CMIP: variants seen among roughly 807,000 people sequenced by gnomAD.
CMIP encodes C-Maf-inducing protein.
CMIP carries 13 observed loss-of-function variants against 97.3 expected under a neutral mutation model. The observed-to-expected ratio is 0.13, with a 90% CI of 0.09 to 0.21. The LOEUF (loss-of-function observed/expected upper bound fraction) is 0.21. Among genes scored for constraint, CMIP ranks in the 10% least tolerant of loss-of-function variants. The pLI, the probability that CMIP is intolerant of heterozygous loss-of-function variation, is 1.00. For missense variants in CMIP, 847 were observed against 1,024.9 expected, an observed-to-expected ratio of 0.83 and a Z score of 2.37; for synonymous variants, 538 against 436.3, an observed-to-expected ratio of 1.23 and a Z score of -2.91.
At chr16:81,452,807 C>T (rs554129049) in intron 1 of CMIP, among the ~76,000 whole-genome samples, 1 of 151,384 alleles carries the variant, frequency 6.6e-6, no homozygotes, top group African/African-American at 2.4e-5. Context: ...GATGGACACA[C>T]AGGCAGCTCC....
In CMIP at chr16:81,549,849, C is replaced by T. The variant is rs567637166; in HGVS notation, c.301-57718C>T. Among the ~76,000 whole-genome samples, 118 of 152,222 alleles carry T rather than the reference C, an allele frequency of 7.8e-4. 1 individual carries two copies. The South Asian group carries it at 0.01, about 13-fold the overall frequency. ...CCAGGCAAATGTGTGTGTGCATGCG[C>T]GCGTGCATATGCCAGTGTGTATGTT... is the stretch of plus-strand genomic sequence containing the variant. On this transcript the variant is annotated intron_variant, in intron 1 of 20. Coordinates refer to ENST00000537098, the MANE Select transcript of CMIP (RefSeq NM_198390.3).
chr16:81,471,372 G>C (rs1434121380), intron 1 of CMIP, among the ~76,000 whole-genome samples: 5 of 152,002 alleles, frequency 3.3e-5, no homozygotes, highest in Admixed American at 2.0e-4. Context: ...ACATGTATGT[G>C]TATACATGTG....
At chr16:81,671,841 C>G in intron 8 of CMIP, 125 bp from the exon 9 acceptor site, 1 of 570,358 alleles carries the variant, frequency 1.8e-6, no homozygotes, top group Non-Finnish European at 3.2e-6. Flanking sequence ...CTCTCAGAGC[C>G]CCCCAAGTGG....
rs368326660 is a variant in CMIP at position 81,610,268 on chromosome 16, C to A, written c.426+2576C>A. 8.2e-6 allele frequency: 8 copies of A among 976,810 alleles called. No individual in the cohort carries two copies. The African/African-American group carries it at 1.2e-4, about 15-fold the overall frequency. 60.5% of individuals were successfully genotyped at this position (976,810 alleles called of 1,614,324 possible). The stretch of plus-strand genomic sequence containing the variant: ...GGCCCAGCTGTGATGACTCGCCTGG[C>A]CGCCGTGTCTGGCAGGGCTTCAGGA... On this transcript the variant is annotated intron_variant, in intron 2 of 20. Transcript: ENST00000537098.
rs1363694824 is a variant in CMIP at position 81,614,740 on chromosome 16, T to G, written c.427-6136T>G. The stretch of plus-strand genomic sequence containing the variant: ...GTGTGCGTACACATGTGTGTCTCTG[T>G]GAGTGTGTATGTGTCTATGTCTGTG... On this transcript the variant is annotated intron_variant, in intron 2 of 20. Transcript: ENST00000537098. This position sits in a 1 kb window ranked among gnomAD's most constrained non-coding sequence, Gnocchi z 5.3. Among the ~76,000 whole-genome samples the G allele has an allele frequency of 3.3e-5, 5 of 151,500 alleles. No individual in the cohort carries two copies. The highest frequency in any genetic ancestry group is 5.9e-5 in the Non-Finnish European group (4 of 67,844).
At chr16:81,657,471 A>C (rs560238323) in intron 4 of CMIP, among the ~76,000 whole-genome samples, 151 of 152,178 alleles carry the variant, frequency 9.9e-4, no homozygotes, top group Non-Finnish European at 1.9e-3. Context: ...AGGTTACTGG[A>C]AGCCCTGTTG....
intron 1 of CMIP, among the ~76,000 whole-genome samples, chr16:81,593,658 G>A (rs1259050548): frequency 3.3e-5 from 5 of 152,106 alleles, no homozygotes; most frequent in East Asian, 1.9e-4. Flanking sequence ...AGTGCCCGCC[G>A]ACCACCTGGC....
chr16:81,449,887 A>G (rs1429480454), intron 1 of CMIP, among the ~76,000 whole-genome samples: 2 of 152,352 alleles, frequency 1.3e-5, no homozygotes, highest in South Asian at 2.1e-4. Flanking sequence ...TGATGCTCGC[A>G]TTTGCCTGGT....
At chr16:81,458,701 G>C (rs1373055699) in intron 1 of CMIP, among the ~76,000 whole-genome samples, 1 of 152,154 alleles carries the variant, frequency 6.6e-6, no homozygotes, top group Non-Finnish European at 1.5e-5. Flanking sequence ...CAGTGATCGG[G>C]CAGGTTGATT....
chr16:81,559,848 C>T (rs1413367057), intron 1 of CMIP, among the ~76,000 whole-genome samples: 1 of 152,094 alleles, frequency 6.6e-6, no homozygotes, highest in Non-Finnish European at 1.5e-5. Context: ...AAGAGGTATA[C>T]AGAGAAAGGC....
At chr16:81,456,874 C>T (rs1906581590) in intron 1 of CMIP, among the ~76,000 whole-genome samples, 2 of 152,186 alleles carry the variant, frequency 1.3e-5, no homozygotes, top group Non-Finnish European at 2.9e-5. Flanking sequence ...CACTGGGGCC[C>T]CTTCCGGGAG....
At chr16:81,456,590 A>C (rs1424765254) in intron 1 of CMIP, among the ~76,000 whole-genome samples, 1 of 151,982 alleles carries the variant, frequency 6.6e-6, no homozygotes, top group Non-Finnish European at 1.5e-5. Context: ...TGCCCCTGCG[A>C]GGTGGTGCTG....
At chr16:81,665,602 G>T (rs4889359) in intron 7 of CMIP, 1 of 151,870 alleles carries the variant, frequency 6.6e-6, no homozygotes, top group Non-Finnish European at 1.5e-5. Context: ...CAGCCACCAC[G>T]TTAGATTTTA....
At chr16:81,588,433 G>A (rs1051031589) in intron 1 of CMIP, among the ~76,000 whole-genome samples, 2 of 152,198 alleles carry the variant, frequency 1.3e-5, no homozygotes, top group African/African-American at 4.8e-5. Flanking sequence ...CGCTTGTCAG[G>A]TGTGGTCCCG....
intron 14 of CMIP, 133 bp downstream of exon 14, chr16:81,696,800 AGGTGGTGGTGGT>A (rs201681534): frequency 0.017 from 13,065 of 749,246 alleles, 522 homozygotes; most frequent in East Asian, 0.15. Flanking sequence ...CTGATCATGA[AGGTGGTGGTGGT>A]GGTGGTGGTG....
At chr16:81,575,401 C>A (rs994371256) in intron 1 of CMIP, among the ~76,000 whole-genome samples, 1 of 152,174 alleles carries the variant, frequency 6.6e-6, no homozygotes, top group African/African-American at 2.4e-5. Context: ...CACTGGCCCT[C>A]CTTTTCTAGC....
chr16:81,543,580 G>A (rs1295985627), intron 1 of CMIP, among the ~76,000 whole-genome samples: 1 of 152,184 alleles, frequency 6.6e-6, no homozygotes, highest in East Asian at 1.9e-4. Flanking sequence ...CAGACAGCCT[G>A]TGTTCAATTC....
chr16:81,682,581 A>G (rs973495466), intron 10 of CMIP, among the ~76,000 whole-genome samples: 2 of 151,974 alleles, frequency 1.3e-5, no homozygotes, highest in Non-Finnish European at 2.9e-5. Flanking sequence ...AAAAAAAAAA[A>G]GATGACTTTA....
intron 10 of CMIP, among the ~76,000 whole-genome samples, chr16:81,679,711 C>A (rs1222199002): frequency 6.6e-6 from 1 of 152,038 alleles, no homozygotes; most frequent in African/African-American, 2.4e-5. Context: ...CTCCCCGTCC[C>A]TGAACCTCAA....
Sources: allele counts gnomAD v4.1 joint callset (sites outside exome capture counted in the v4.1 genomes callset), GRCh38; gene constraint gnomAD v4.1.1; non-coding constraint Gnocchi (gnomAD v3.1); transcripts MANE v1.5; gene names NCBI Gene and HGNC (gene_info 2026-07-23, HGNC 2026-07-21).